Variants in INPP4B observed in about 807,000 individuals in gnomAD.
INPP4B encodes the protein inositol polyphosphate 4-phosphatase type II.
INPP4B carries 55 observed loss-of-function variants against 122.5 expected under a neutral mutation model. The ratio of observed to expected loss-of-function variants is 0.45; its 90% CI spans 0.36 to 0.56. INPP4B has a LOEUF of 0.56. Ranked by LOEUF, INPP4B falls within the 20% of genes least tolerant of loss-of-function variation. The pLI is 0.00. For missense variants in INPP4B, 1,000 were observed against 1,097.7 expected (o/e 0.91, Z 1.26); for synonymous variants, 403 against 388.7 (o/e 1.04, Z -0.43).
chr4:142,726,084 T>C (rs1765314704), intron 1 of INPP4B, among the ~76,000 whole-genome samples, 183 bp from the exon 2 acceptor site: 1 of 152,196 alleles, frequency 6.6e-6, no homozygotes, highest in African/African-American at 2.4e-5. Context: ...CTTCCCCAAA[T>C]GTCCTTTCTC....
intron 1 of INPP4B, among the ~76,000 whole-genome samples, chr4:142,742,511 CA>C (rs1434010849): frequency 6.6e-6 from 1 of 151,830 alleles, no homozygotes; most frequent in African/African-American, 2.4e-5. Flanking sequence ...AACAGATTTT[CA>C]AAGCAATGAC....
At chr4:142,741,543 A>G (rs1767904209) in intron 1 of INPP4B, among the ~76,000 whole-genome samples, 1 of 151,998 alleles carries the variant, frequency 6.6e-6, no homozygotes, top group African/African-American at 2.4e-5. Context: ...TACAGAAACT[A>G]AAGACATAAC....
intron 25 of INPP4B, among the ~76,000 whole-genome samples, chr4:142,067,522 C>A (rs1326987659): frequency 6.6e-6 from 1 of 152,122 alleles, no homozygotes; most frequent in Non-Finnish European, 1.5e-5. Context: ...TCGGTAACAA[C>A]AAACTTCTCT....
chr4:142,207,681 G>A (rs1159687190), intron 14 of INPP4B, among the ~76,000 whole-genome samples: 5 of 152,132 alleles, frequency 3.3e-5, no homozygotes, highest in African/African-American at 1.2e-4. Flanking sequence ...CAGGCATATG[G>A]AGGACAGGGA....
At chr4:142,310,677 C>CTTTT (rs58821770) in intron 8 of INPP4B, among the ~76,000 whole-genome samples, 1 of 143,218 alleles carries the variant, frequency 7.0e-6, no homozygotes. Context: ...AGCCCCAGTA[C>CTTTT]TTTTTTTTTT....
chr4:142,218,622 AT>A (rs1000656507), intron 12 of INPP4B, among the ~76,000 whole-genome samples: 1 of 152,132 alleles, frequency 6.6e-6, no homozygotes, highest in African/African-American at 2.4e-5. Flanking sequence ...AAATAGAAAT[AT>A]TTTTCCACAA....
chr4:142,147,579 G>T (rs1008158541), intron 17 of INPP4B, among the ~76,000 whole-genome samples: 1 of 152,132 alleles, frequency 6.6e-6, no homozygotes, highest in Non-Finnish European at 1.5e-5. Flanking sequence ...TCACCAAGCT[G>T]CAATGGGAGC....
At position 142,771,444 on chromosome 4, in the gene INPP4B, C is replaced by T. The variant is rs190719556; in HGVS notation, c.-253-45543G>A. Reference sequence around the variant, plus strand: ...GGAAGTAATAATGAAGGCAGGTAGACCAATCAGGAGGCTCTGAATGTAGTT... The same window carrying T: ...GGAAGTAATAATGAAGGCAGGTAGATCAATCAGGAGGCTCTGAATGTAGTT... On this transcript the variant is annotated intron_variant, in intron 1 of 25. Coordinates refer to ENST00000262992, the MANE Select transcript of INPP4B (RefSeq NM_001101669.3). 5.3e-4 allele frequency among the ~76,000 whole-genome samples: 80 copies of T among 152,090 alleles called. 1 individual carries two copies. The East Asian group carries it at 0.01, about 20-fold the overall frequency.
At chr4:142,569,651 T>C (rs568122152) in intron 2 of INPP4B, among the ~76,000 whole-genome samples, 2 of 152,274 alleles carry the variant, frequency 1.3e-5, no homozygotes, top group African/African-American at 4.8e-5. Context: ...AAGGTATAGA[T>C]AACTCAAAAT....
chr4:142,750,057 T>A (rs1334933359), intron 1 of INPP4B, among the ~76,000 whole-genome samples: 1 of 151,934 alleles, frequency 6.6e-6, no homozygotes, highest in Non-Finnish European at 1.5e-5. Context: ...GTATTTTTCA[T>A]CCCATCTGAA....
chr4:142,375,004 A>G (rs1161003772), intron 7 of INPP4B, among the ~76,000 whole-genome samples: 2 of 151,486 alleles, frequency 1.3e-5, no homozygotes, highest in African/African-American at 2.4e-5. Context: ...AACTAATACA[A>G]CCTTTCTGTG....
At chr4:142,369,496 G>A (rs1024262493) in intron 7 of INPP4B, among the ~76,000 whole-genome samples, 7 of 151,540 alleles carry the variant, frequency 4.6e-5, no homozygotes, top group Non-Finnish European at 7.4e-5. Context: ...AGGATCACTT[G>A]AGCCCAGGAG....
chr4:142,617,136 A>T (rs1743886186), intron 2 of INPP4B, among the ~76,000 whole-genome samples: 1 of 152,116 alleles, frequency 6.6e-6, no homozygotes, highest in Non-Finnish European at 1.5e-5. Context: ...TTGCTCAAAC[A>T]TGCATAAACT....
chr4:142,563,814 C>T (rs779205745), intron 2 of INPP4B, among the ~76,000 whole-genome samples: 1 of 152,172 alleles, frequency 6.6e-6, no homozygotes, highest in Non-Finnish European at 1.5e-5. Context: ...AAGCCCAAGT[C>T]CAGTCTAGCC....
intron 7 of INPP4B, among the ~76,000 whole-genome samples, chr4:142,395,847 G>T (rs1264178200): frequency 6.6e-6 from 1 of 152,124 alleles, no homozygotes; most frequent in Non-Finnish European, 1.5e-5. Flanking sequence ...ATCTAAAATT[G>T]TCAAACTCAT....
At chr4:142,402,626 C>A (rs1802008506) in intron 7 of INPP4B, among the ~76,000 whole-genome samples, 1 of 152,038 alleles carries the variant, frequency 6.6e-6, no homozygotes, top group Non-Finnish European at 1.5e-5. Flanking sequence ...TTAAATATTG[C>A]CTAATTTCCA....
At chr4:142,169,984 G>C (rs1347095562) in intron 16 of INPP4B, among the ~76,000 whole-genome samples, 1 of 151,674 alleles carries the variant, frequency 6.6e-6, no homozygotes, top group African/African-American at 2.4e-5. Flanking sequence ...CGTGAACACT[G>C]TCCACATTCA....
intron 6 of INPP4B, 56 bp downstream of exon 6, chr4:142,405,150 C>G (rs538347736): frequency 1.1e-6 from 1 of 943,642 alleles, no homozygotes; most frequent in Non-Finnish European, 1.6e-6. Flanking sequence ...CAAGAGCGAG[C>G]GAGCCAGCAA....
chr4:142,527,132 C>G (rs1338966906), intron 2 of INPP4B, among the ~76,000 whole-genome samples: 1 of 151,688 alleles, frequency 6.6e-6, no homozygotes, highest in Non-Finnish European at 1.5e-5. Context: ...GACAAAACAG[C>G]TAGCAATGAT....
Sources: allele counts gnomAD v4.1 joint callset (sites outside exome capture counted in the v4.1 genomes callset), GRCh38; gene constraint gnomAD v4.1.1; transcripts MANE v1.5; gene names NCBI Gene and HGNC (gene_info 2026-07-23, HGNC 2026-07-21).